The following LRRC40 variants were observed in gnomAD, a reference collection of about 807,000 sequenced individuals.
LRRC40 encodes the protein leucine-rich repeat-containing protein 40.
A neutral mutation model predicts 72.8 loss-of-function variants in LRRC40; 76 were observed. That is an observed-to-expected ratio of 1.04 (90% CI 0.87 to 1.26). The LOEUF (loss-of-function observed/expected upper bound fraction) is 1.26, where lower values mean the gene tolerates loss of function less well. LRRC40 is among the 50% of genes most tolerant of loss of function. The pLI is 0.00. For missense variants in LRRC40, 684 were observed against 698.9 expected, an observed-to-expected ratio of 0.98 and a Z score of 0.24; for synonymous variants, 243 against 254.2, an observed-to-expected ratio of 0.96 and a Z score of 0.42.
At chr1:70,199,724 CTGTTTA>C (rs1312117531) in intron 1 of LRRC40, among the ~76,000 whole-genome samples, 1 of 152,104 alleles carries the variant, frequency 6.6e-6, no homozygotes, top group African/African-American at 2.4e-5. Flanking sequence ...TGTTAATTGA[CTGTTTA>C]TGTTATCAGT....
intron 11 of LRRC40, among the ~76,000 whole-genome samples, chr1:70,153,972 CAAAAAAA>C (rs1042976831): frequency 3.4e-5 from 2 of 58,186 alleles, no homozygotes; most frequent in African/African-American, 7.1e-5. Context: ...GATCCTGTCT[CAAAAAAA>C]AAAAAAAAAA....
chr1:70,150,259 T>A (rs937066005), intron 13 of LRRC40, among the ~76,000 whole-genome samples: 4 of 152,176 alleles, frequency 2.6e-5, no homozygotes, highest in African/African-American at 9.6e-5. Flanking sequence ...AGAATCCATT[T>A]TCATCATAAG....
chr1:70,147,076 G>C (rs1667322869), intron 14 of LRRC40: 1 of 152,076 alleles, frequency 6.6e-6, no homozygotes, highest in Admixed American at 6.6e-5. Context: ...TGCTATATTT[G>C]CAAACTTGCC....
rs1667709720 is a variant in LRRC40 at position 70,159,419 on chromosome 1, A to G, written c.1131T>C (p.Ser377=). The G allele has an allele frequency of 1.9e-6, 3 of 1,590,924 alleles. No individual in the cohort carries two copies. Among genetic ancestry groups the G allele is most frequent in the Non-Finnish European group, 2.6e-6 (3 of 1,163,416 alleles). The change falls in exon 10 of 15, where the codon AGT becomes AGC. Residue 377 remains serine (S), a synonymous_variant. Transcript: ENST00000370952. ...SKIKDDGPSQ[S]ESATETAMTL... ...TCATGGCAGTCTCAGTAGCAGACTC[A>G]CTTTGGCTAGGTCCATCATCTGGCA... is the stretch of plus-strand genomic sequence containing the variant.
intron 1 of LRRC40, among the ~76,000 whole-genome samples, chr1:70,194,911 C>A (rs1668576474): frequency 6.6e-6 from 1 of 151,858 alleles, no homozygotes; most frequent in Non-Finnish European, 1.5e-5. Context: ...AAATTCCATA[C>A]AATAAAATAT....
chr1:70,153,305 C>T lies in LRRC40; in HGVS notation c.1329-762G>A, dbSNP rs182388856. Among the ~76,000 whole-genome samples, 8 of 151,444 alleles carry T rather than the reference C, an allele frequency of 5.3e-5. No homozygotes were observed. The East Asian group carries it at 1.2e-3, about 22-fold the overall frequency. On this transcript the variant is annotated intron_variant, in intron 11 of 14. Coordinates refer to ENST00000370952, the MANE Select transcript of LRRC40 (RefSeq NM_017768.5). ...TGAGCCTGGGAGGCGGAGGTTGTAG[C>T]GAACTGAGATCATGCCACTGCACTC...
Position 70,157,154 on chromosome 1 carries a change from C to T in LRRC40, c.1221-1358G>A, listed in dbSNP as rs537350363. 1.6e-3 allele frequency among the ~76,000 whole-genome samples: 239 copies of T among 152,214 alleles called. 3 individuals carry two copies. Among genetic ancestry groups the T allele is most frequent in the South Asian group, 0.013 (62 of 4,818 alleles). ...ATATGGAAGAACTGTATAAGAAATG[C>T]ATTGTAATACAAATATGTAAAGACA... On this transcript the variant is annotated intron_variant, in intron 10 of 14. Coordinates refer to ENST00000370952, the MANE Select transcript of LRRC40 (RefSeq NM_017768.5).
chr1:70,148,227 C>T (rs1159313768), intron 14 of LRRC40, among the ~76,000 whole-genome samples: 1 of 148,158 alleles, frequency 6.7e-6, no homozygotes, highest in Non-Finnish European at 1.5e-5. Context: ...AGGTTATAAA[C>T]ATACACAGTG....
At chr1:70,146,669 TA>T (rs1230389387) in intron 14 of LRRC40, among the ~76,000 whole-genome samples, 2 of 152,132 alleles carry the variant, frequency 1.3e-5, no homozygotes, top group South Asian at 4.1e-4. Flanking sequence ...TTTAAACAAA[TA>T]TCAGCATGAG....
intron 10 of LRRC40, among the ~76,000 whole-genome samples, chr1:70,156,176 T>C (rs1315640658): frequency 6.6e-6 from 1 of 152,170 alleles, no homozygotes; most frequent in Non-Finnish European, 1.5e-5. Flanking sequence ...CTTAAAAATC[T>C]ATAAGAGGAG....
chr1:70,173,573 T>C (rs751448596), intron 8 of LRRC40, 49 bp downstream of exon 8: 116 of 1,481,538 alleles, frequency 7.8e-5, no homozygotes, highest in Non-Finnish European at 1.0e-4. Context: ...GATCAACATA[T>C]ATGTCTGAAT....
At chr1:70,189,297 G>GTA in intron 1 of LRRC40, 24 bp from the exon 2 acceptor site, 9 of 770,590 alleles carry the variant, frequency 1.2e-5, no homozygotes, top group African/African-American at 2.5e-5. Flanking sequence ...CACCACACCA[G>GTA]GAAAAAAAAA....
At position 70,187,296 on chromosome 1, in the gene LRRC40, C is replaced by T. The variant is rs1391718816; in HGVS notation, c.376G>A (p.Glu126Lys). 6.3e-7 allele frequency: 1 copy of T among 1,587,990 alleles called. No individual in the cohort carries two copies. Among genetic ancestry groups the T allele is most frequent in the Non-Finnish European group, 8.6e-7 (1 of 1,159,868 alleles). ...TTAAGTTTCTGAAGATTTTCTAGCTCTCTTATAGCAGAAGGAAGGGATGTC... is the reference window on the plus strand; with the variant it reads ...TTAAGTTTCTGAAGATTTTCTAGCTTTCTTATAGCAGAAGGAAGGGATGTC... ...QLTSLPSAIR[E>K]LENLQKLNVS... is the part of the protein sequence containing the mutation. The change falls in exon 3 of 15, where the codon GAG (glutamate) becomes AAG (lysine). Residue 126 changes from glutamate to lysine, a missense_variant. Coordinates refer to ENST00000370952, the MANE Select transcript of LRRC40 (RefSeq NM_017768.5).
At chr1:70,193,242 G>A (rs1668539214) in intron 1 of LRRC40, among the ~76,000 whole-genome samples, 1 of 151,820 alleles carries the variant, frequency 6.6e-6, no homozygotes, top group South Asian at 2.1e-4. Flanking sequence ...TAAACCCTTA[G>A]CTAGACAGAT....
chr1:70,202,489 T>C (rs75707415), intron 1 of LRRC40, among the ~76,000 whole-genome samples: 1 of 152,110 alleles, frequency 6.6e-6, no homozygotes, highest in Non-Finnish European at 1.5e-5. Flanking sequence ...GGTAAAACTA[T>C]AGAAACAGGA....
intron 1 of LRRC40, among the ~76,000 whole-genome samples, chr1:70,190,235 A>G (rs1468163043): frequency 6.6e-6 from 1 of 152,220 alleles, no homozygotes; most frequent in Non-Finnish European, 1.5e-5. Flanking sequence ...GCCACAGATT[A>G]TCATTTCAAA....
intron 14 of LRRC40, among the ~76,000 whole-genome samples, chr1:70,146,505 T>G (rs1350380754): frequency 2.6e-4 from 40 of 152,226 alleles, no homozygotes; most frequent in Non-Finnish European, 7.3e-5. Context: ...TTAATAGTTC[T>G]GTTTTAATAG....
At chr1:70,156,285 A>C (rs1667634587) in intron 10 of LRRC40, among the ~76,000 whole-genome samples, 1 of 151,916 alleles carries the variant, frequency 6.6e-6, no homozygotes, top group Non-Finnish European at 1.5e-5. Flanking sequence ...AGTTTAATTA[A>C]TTTAAAATTA....
At position 70,173,729 on chromosome 1, in the gene LRRC40, T is replaced by C; in HGVS notation, c.978-20A>G. The C allele has an allele frequency of 1.6e-6, 2 of 1,260,260 alleles. No homozygotes were observed. The highest frequency in any genetic ancestry group is 2.2e-6 in the Non-Finnish European group (2 of 901,432). 78.1% of individuals were successfully genotyped at this position (1,260,260 alleles called of 1,614,324 possible). A position where few individuals can be genotyped will look rare whatever the true frequency, so the allele number is the denominator to read the frequency against. The stretch of plus-strand genomic sequence containing the variant: ...GGAAGACTATAAAAGATTAAATTGA[T>C]TTCAGGGAAAGCATCAAATATAAGT... On this transcript the variant is annotated intron_variant, in intron 7 of 14. Coordinates refer to ENST00000370952, the MANE Select transcript of LRRC40 (RefSeq NM_017768.5).
Sources: gnomAD v4.1 joint callset for allele counts (sites outside exome capture counted in the v4.1 genomes callset) on GRCh38, gnomAD v4.1.1 for gene constraint, MANE v1.5 for transcripts, NCBI Gene and HGNC (gene_info 2026-07-23, HGNC 2026-07-21) for gene names.